The following F8 variants were observed in gnomAD, a reference collection of about 807,000 sequenced individuals.
F8 encodes coagulation factor VIII, also known as antihemophilic factor.
In F8, 12 loss-of-function variants were observed where a neutral mutation model predicts 140.6. The observed-to-expected ratio is 0.09, with a 90% CI of 0.05 to 0.14. F8 has a LOEUF of 0.14. F8 is among the 10% of genes least tolerant of loss of function. F8 has a pLI of 1.00. For missense variants in F8, 1,354 were observed against 1,720.7 expected (o/e 0.79, Z 3.77); for synonymous variants, 585 against 614.6 (o/e 0.95, Z 0.71).
chrX:154,945,830 A>G (rs1282205544), intron 13 of F8, among the ~76,000 whole-genome samples: 1 of 112,117 alleles, frequency 8.9e-6, no homozygotes, highest in Non-Finnish European at 1.9e-5. Flanking sequence ...ATAATCTTAT[A>G]TTTCACAAAA....
chrX:154,848,490 G>A (rs2072588538), intron 25 of F8, among the ~76,000 whole-genome samples: 1 of 112,653 alleles, frequency 8.9e-6, no homozygotes, highest in East Asian at 2.8e-4. Context: ...GCAATGGCGG[G>A]TGCCCCTCTC....
At chrX:154,874,500 G>A (rs1425408616) in intron 22 of F8, among the ~76,000 whole-genome samples, 1 of 112,283 alleles carries the variant, frequency 8.9e-6, no homozygotes, top group Non-Finnish European at 1.9e-5. Context: ...GGGCAAGAGA[G>A]AGCAATTCAA....
At chrX:154,844,009 G>A (rs922376344) in intron 25 of F8, among the ~76,000 whole-genome samples, 3 of 111,503 alleles carry the variant, frequency 2.7e-5, no homozygotes, top group Non-Finnish European at 5.7e-5. Context: ...TTCTACATAT[G>A]GCTAGCCAGT....
At position 154,836,854 on chromosome X, in the gene F8, T is replaced by G. The variant is rs2072478976; in HGVS notation, c.*743A>C. The G allele has an allele frequency of 8.9e-6, 1 of 112,184 alleles. No homozygotes were observed. Among genetic ancestry groups the G allele is most frequent in the African/African-American group, 3.2e-5 (1 of 30,820 alleles). 9.2% of individuals were successfully genotyped at this position (112,184 alleles called of 1,213,427 possible). On this transcript the variant is annotated 3_prime_UTR_variant, in exon 26 of 26. Transcript: ENST00000360256. Reference sequence around the variant, plus strand: ...TTAAGACCAAATGGCTTTATATCTATGGACACTCGTCAGAAAAATGCACAT... The same window carrying G: ...TTAAGACCAAATGGCTTTATATCTAGGGACACTCGTCAGAAAAATGCACAT...
chrX:154,985,552 A>G (rs2073554488), intron 5 of F8, among the ~76,000 whole-genome samples: 2 of 112,576 alleles, frequency 1.8e-5, no homozygotes, highest in Non-Finnish European at 3.8e-5. Context: ...AGGAACCTGA[A>G]AGCTCCCTAA....
At chrX:154,971,387 T>G (rs1189244286) in intron 6 of F8, among the ~76,000 whole-genome samples, 1 of 111,635 alleles carries the variant, frequency 9.0e-6, no homozygotes, top group Non-Finnish European at 1.9e-5. Context: ...AATTTTATTT[T>G]TTTAACTGTA....
rs1018562211 is a variant in F8, at chrX:154,927,561, T to C, written c.5219+1010A>G. On this transcript the variant is annotated intron_variant, in intron 14 of 25. Transcript: ENST00000360256. ...TTCATTGCACAGCATCAGCTAAGAG[T>C]GAAAATGGGCATTGGAGAATGGAAA... Among the ~76,000 whole-genome samples the C allele has an allele frequency of 3.6e-5, 4 of 111,647 alleles. No homozygotes were observed. The South Asian group carries it at 1.5e-3, about 42-fold the overall frequency.
chrX:155,007,078 G>A (rs2073680040), intron 1 of F8, among the ~76,000 whole-genome samples: 1 of 104,976 alleles, frequency 9.5e-6, no homozygotes, highest in Non-Finnish European at 2.0e-5. Flanking sequence ...TGAAGGCCTT[G>A]ACAAATGACT....
rs782124970 is a variant in F8 at position 154,944,901 on chromosome X, CA to C, written c.2113+2796del. 3.5e-3 allele frequency among the ~76,000 whole-genome samples: 393 copies of C among 110,774 alleles called. 2 individuals are homozygous for C. The highest frequency in any genetic ancestry group is 6.0e-3 in the Non-Finnish European group (317 of 52,913). ...GGATGAAATTGGAAATCATCATTCT[CA>C]GTAAACGATCGCAAGAACAAAAAAC... On this transcript the variant is annotated intron_variant, in intron 13 of 25. Coordinates refer to ENST00000360256, the MANE Select transcript of F8 (RefSeq NM_000132.4).
chrX:154,865,726 T>A, intron 22 of F8, among the ~76,000 whole-genome samples: 1 of 53,010 alleles, frequency 1.9e-5, no homozygotes, highest in Non-Finnish European at 3.3e-5. Context: ...ATACAGAAGA[T>A]AAAGAGAAAA....
At chrX:154,897,119 A>G (rs963197971) in intron 21 of F8, among the ~76,000 whole-genome samples, 2 of 112,490 alleles carry the variant, frequency 1.8e-5, no homozygotes, top group African/African-American at 6.5e-5. Context: ...CTGTATAGCA[A>G]ATGCTTTGGA....
rs782361817 is a variant in F8, at chrX:154,999,454, T to C, written c.265+25A>G. The C allele has an allele frequency of 5.9e-6, 7 of 1,194,596 alleles. No homozygotes were observed. In the African/African-American group the frequency reaches 8.8e-5, roughly 15 times the overall value. ...AAAATAAGATACCCAATTTCATAAA[T>C]AGCATTCAACATTGTTTTCATTACC... On this transcript the variant is annotated intron_variant, in intron 2 of 25. Transcript: ENST00000360256.
intron 22 of F8, among the ~76,000 whole-genome samples, chrX:154,873,830 A>G (rs2072792981): frequency 8.9e-6 from 1 of 111,981 alleles, no homozygotes; most frequent in Non-Finnish European, 1.9e-5. Flanking sequence ...CACACTATAC[A>G]TAAAATTCAA....
chrX:154,839,686 T>C (rs1187748345), intron 25 of F8, among the ~76,000 whole-genome samples: 1 of 111,517 alleles, frequency 9.0e-6, no homozygotes, highest in African/African-American at 3.3e-5. Context: ...TAGGACTCTT[T>C]TTTGTTCTAA....
At chrX:154,970,329 CAT>C (rs1360540367) in intron 6 of F8, among the ~76,000 whole-genome samples, 2 of 111,879 alleles carry the variant, frequency 1.8e-5, no homozygotes, top group Non-Finnish European at 3.8e-5. Context: ...CCCAAGTAGT[CAT>C]GTGTTCAGAT....
Position 154,904,438 on chromosome X carries a change from T to C in F8, c.5673A>G (p.Thr1891=). Residue 1891 remains threonine (T), a synonymous_variant, in exon 17 of 26, where the codon ACA becomes ACG. Transcript: ENST00000360256. Reference sequence around the variant, plus strand: ...TGAAAAACAGAGCAAATTCCTGTACTGTCACTTGTCTCCCATGAGCAGGGT... The same window carrying C: ...TGAAAAACAGAGCAAATTCCTGTACCGTCACTTGTCTCCCATGAGCAGGGT... The part of the protein sequence containing the change: ...TLNPAHGRQV[T]VQEFALFFTI... 1 of 1,211,778 alleles carries C rather than the reference T, an allele frequency of 8.3e-7. No individual in the cohort carries two copies. Among genetic ancestry groups the C allele is most frequent in the Middle Eastern group, 2.3e-4 (1 of 4,356 alleles).
intron 6 of F8, among the ~76,000 whole-genome samples, chrX:154,978,364 T>C (rs2073499069): frequency 9.0e-6 from 1 of 111,651 alleles, no homozygotes; most frequent in South Asian, 3.7e-4. Flanking sequence ...AGTAGGTGTA[T>C]ATATTTATGG....
chrX:154,973,965 A>G (rs1399526095), intron 6 of F8, among the ~76,000 whole-genome samples: 1 of 103,416 alleles, frequency 9.7e-6, no homozygotes, highest in African/African-American at 3.6e-5. Context: ...TCTGGCTAGC[A>G]TGTGTGTGTG....
At chrX:155,020,119 C>A (rs1249957876) in intron 1 of F8, among the ~76,000 whole-genome samples, 3 of 110,251 alleles carry the variant, frequency 2.7e-5, no homozygotes, top group Non-Finnish European at 5.7e-5. Context: ...TGCTTTCACC[C>A]ACCAGATATC....
Sources: allele counts gnomAD v4.1 joint callset (sites outside exome capture counted in the v4.1 genomes callset), GRCh38; gene constraint gnomAD v4.1.1; transcripts MANE v1.5; gene names NCBI Gene and HGNC (gene_info 2026-07-23, HGNC 2026-07-21).